The following TMEFF2 variants were observed in gnomAD, a reference collection of about 807,000 sequenced individuals.
The protein encoded by TMEFF2 is transmembrane protein with EGF like and two follistatin like domains 2.
Under a neutral mutation model 53.8 loss-of-function variants are expected in TMEFF2, and 28 were observed. The ratio of observed to expected loss-of-function variants is 0.52; its 90% CI spans 0.39 to 0.71. The LOEUF (loss-of-function observed/expected upper bound fraction) is 0.71, where lower values mean the gene tolerates loss of function less well. TMEFF2 is among the 30% of genes least tolerant of loss of function. The pLI, the probability that TMEFF2 is intolerant of heterozygous loss-of-function variation, is 0.00. For missense variants in TMEFF2, 353 were observed against 455.2 expected (o/e 0.78, Z 2.04); for synonymous variants, 162 against 166.3 (o/e 0.97, Z 0.20).
intron 5 of TMEFF2, among the ~76,000 whole-genome samples, chr2:192,008,591 C>G (rs915221942): frequency 6.6e-6 from 1 of 152,030 alleles, no homozygotes; most frequent in Non-Finnish European, 1.5e-5. Flanking sequence ...GCGGTCGCTC[C>G]GACTGGATGG....
Position 191,999,131 on chromosome 2 carries a change from G to A in TMEFF2, c.614C>T (p.Ala205Val). Residue 205 changes from alanine to valine, a missense_variant, in exon 6 of 10, where the codon GCA becomes GTA. Physicochemically the swap from Ala to Val is moderately conservative, Grantham distance 64 (BLOSUM62 0). Around this residue, in one of 3 missense-constraint regions of TMEFF2, gnomAD observed 294 missense variants for 397.3 expected, o/e 0.74. Transcript: ENST00000272771. ...ACACGATGCTTCTTTGATTTGGCAT[G>A]CATTATCATAAGATTTCCCATCAGA... ...CASDGKSYDN[A>V]CQIKEASCQK... The A allele has an allele frequency of 6.2e-7, 1 of 1,612,426 alleles. No homozygotes were observed. Among genetic ancestry groups the A allele is most frequent in the Non-Finnish European group, 8.5e-7 (1 of 1,178,850 alleles).
At position 192,164,049 on chromosome 2, in the gene TMEFF2, C is replaced by A. The variant is rs114981511; in HGVS notation, c.439+15619G>T. Among the ~76,000 whole-genome samples the A allele has an allele frequency of 6.1e-3, 931 of 152,238 alleles. 4 individuals carry two copies. Among genetic ancestry groups the A allele is most frequent in the South Asian group, 0.011 (52 of 4,820 alleles). ...AATAATCTTTTTATTGCTTTCTTTGCACCTACTCTTGCCTCATCTACAATT... is the reference window on the plus strand; with the variant it reads ...AATAATCTTTTTATTGCTTTCTTTGAACCTACTCTTGCCTCATCTACAATT... On this transcript the variant is annotated intron_variant, in intron 4 of 9. Transcript: ENST00000272771.
intron 4 of TMEFF2, among the ~76,000 whole-genome samples, chr2:192,127,798 T>C (rs2105973213): frequency 6.6e-6 from 1 of 152,350 alleles, no homozygotes. Flanking sequence ...TTATTCTTGC[T>C]ATCAATGAGT....
chr2:192,060,622 A>G (rs748808715), intron 4 of TMEFF2, among the ~76,000 whole-genome samples: 8 of 152,166 alleles, frequency 5.3e-5, no homozygotes, highest in Admixed American at 4.6e-4. Flanking sequence ...CACAGTCACA[A>G]AAGCTTGAAA....
At chr2:192,046,825 C>A (rs1321245369) in intron 5 of TMEFF2, among the ~76,000 whole-genome samples, 1 of 151,614 alleles carries the variant, frequency 6.6e-6, no homozygotes, top group East Asian at 1.9e-4. Flanking sequence ...TCAAATATAT[C>A]ATTTTTATTT....
At chr2:192,057,817 G>A in intron 4 of TMEFF2, 42 bp from the exon 5 acceptor site, 1 of 1,468,178 alleles carries the variant, frequency 6.8e-7, no homozygotes, top group Non-Finnish European at 9.5e-7. Context: ...AGGTAATTGT[G>A]CATTATATCT....
At chr2:192,187,397 A>G (rs1054198794) in intron 2 of TMEFF2, among the ~76,000 whole-genome samples, 3 of 152,244 alleles carry the variant, frequency 2.0e-5, no homozygotes, top group African/African-American at 7.2e-5. Context: ...TAGAGTTATC[A>G]TCTAACTCTA....
In TMEFF2 at chr2:192,077,584, C is replaced by T. The variant is rs574440580; in HGVS notation, c.440-19809G>A. On this transcript the variant is annotated intron_variant, in intron 4 of 9. Coordinates refer to ENST00000272771, the MANE Select transcript of TMEFF2 (RefSeq NM_016192.4). ...TCTAATTTTCTGGATGGCTTATTAA[C>T]CTTCCAAGGGTGTCTTTCTTCTACT... Among the ~76,000 whole-genome samples the T allele has an allele frequency of 3.9e-5, 6 of 152,028 alleles. 1 individual carries two copies. The South Asian group carries it at 1.2e-3, about 32-fold the overall frequency.
intron 4 of TMEFF2, among the ~76,000 whole-genome samples, chr2:192,174,474 T>A (rs1386667733): frequency 6.6e-6 from 1 of 151,738 alleles, no homozygotes; most frequent in Non-Finnish European, 1.5e-5. Flanking sequence ...TGGTCCTCAT[T>A]CATTCTATCT....
intron 4 of TMEFF2, among the ~76,000 whole-genome samples, chr2:192,064,476 C>A (rs925494549): frequency 9.2e-5 from 14 of 151,792 alleles, no homozygotes; most frequent in African/African-American, 3.4e-4. Flanking sequence ...CTGCCAATCG[C>A]TACTAAATGA....
At chr2:192,047,353 A>G (rs1389205264) in intron 5 of TMEFF2, among the ~76,000 whole-genome samples, 2 of 152,132 alleles carry the variant, frequency 1.3e-5, no homozygotes, top group African/African-American at 4.8e-5. Flanking sequence ...ATCTCCTAAT[A>G]TCTGCTTATT....
intron 5 of TMEFF2, among the ~76,000 whole-genome samples, chr2:192,014,998 TGTA>T (rs2105853688): frequency 6.6e-6 from 1 of 152,292 alleles, no homozygotes; most frequent in East Asian, 1.9e-4. Flanking sequence ...TTGCAGTAAA[TGTA>T]GTTAATAAGG....
At chr2:191,985,730 A>G (rs1685960497) in intron 7 of TMEFF2, among the ~76,000 whole-genome samples, 1 of 152,196 alleles carries the variant, frequency 6.6e-6, no homozygotes, top group African/African-American at 2.4e-5. Context: ...TATTGTGGCA[A>G]AGTCTTGCTC....
chr2:192,096,307 G>A (rs1248403332), intron 4 of TMEFF2, among the ~76,000 whole-genome samples: 1 of 151,990 alleles, frequency 6.6e-6, no homozygotes, highest in Non-Finnish European at 1.5e-5. Flanking sequence ...AAATGTAGAC[G>A]GAGCACTAGT....
At chr2:192,160,908 G>C (rs1690617586) in intron 4 of TMEFF2, among the ~76,000 whole-genome samples, 1 of 152,140 alleles carries the variant, frequency 6.6e-6, no homozygotes, top group Non-Finnish European at 1.5e-5. Context: ...GAGAAAAAGA[G>C]ACCTTGTGTG....
intron 4 of TMEFF2, among the ~76,000 whole-genome samples, chr2:192,130,066 CTA>C (rs1400759106): frequency 7.9e-5 from 12 of 152,098 alleles, no homozygotes; most frequent in African/African-American, 2.4e-4. Flanking sequence ...TTTTTAAAGA[CTA>C]AAACTGTCAT....
chr2:192,130,710 T>C (rs1264109511), intron 4 of TMEFF2, among the ~76,000 whole-genome samples: 1 of 151,796 alleles, frequency 6.6e-6, no homozygotes. Flanking sequence ...CCTATCTCCC[T>C]TCGCTGACTC....
At chr2:192,172,071 A>G (rs1475661303) in intron 4 of TMEFF2, among the ~76,000 whole-genome samples, 7 of 151,880 alleles carry the variant, frequency 4.6e-5, no homozygotes, top group Admixed American at 3.9e-4. Context: ...GGCCCACGGT[A>G]TGCTCCCTTT....
At chr2:191,956,817 C>T (rs897015088) in intron 7 of TMEFF2, among the ~76,000 whole-genome samples, 2 of 152,144 alleles carry the variant, frequency 1.3e-5, no homozygotes, top group Admixed American at 6.5e-5. Context: ...AAAATATGGC[C>T]GTGTTCAATT....
Sources: gnomAD v4.1 joint callset for allele counts (sites outside exome capture counted in the v4.1 genomes callset) on GRCh38, gnomAD v4.1.1 for gene constraint, gnomAD v4.1.1 regional missense constraint, MANE v1.5 for transcripts, NCBI Gene and HGNC (gene_info 2026-07-23, HGNC 2026-07-21) for gene names.